VPS8: variants seen among roughly 807,000 people sequenced by gnomAD.
The protein encoded by VPS8 is VPS8 subunit of CORVET complex.
In VPS8, 129 loss-of-function variants were observed where a neutral mutation model predicts 216.4. The ratio of observed to expected loss-of-function variants is 0.60; its 90% confidence interval spans 0.52 to 0.69. VPS8 has a LOEUF of 0.69. VPS8 is among the 30% of genes least tolerant of loss of function. The pLI is 0.00. For synonymous variants in VPS8, 571 were observed against 565.4 expected (o/e 1.01, Z -0.14); for missense variants, 1,531 against 1,683.5 (o/e 0.91, Z 1.59).
chr3:184,816,708 G>T lies in VPS8; in HGVS notation c.-89+4483G>T, dbSNP rs1457269383. 3.3e-5 allele frequency among the ~76,000 whole-genome samples: 5 copies of T among 152,190 alleles called. No individual in the cohort carries two copies. In the East Asian group the frequency reaches 9.6e-4, roughly 29 times the overall value. On this transcript the variant is annotated intron_variant, in intron 1 of 47. Coordinates refer to ENST00000625842, the MANE Select transcript of VPS8 (RefSeq NM_001009921.3). The stretch of plus-strand genomic sequence containing the variant: ...TGACAAGCGGTGGGTCTCTCAGGAA[G>T]CCCCATACGGCCAGATCTTGTTTTT...
chr3:185,021,871 G>A (rs910565032), intron 45 of VPS8, among the ~76,000 whole-genome samples: 1 of 152,188 alleles, frequency 6.6e-6, no homozygotes. Context: ...AGGCAGAGTT[G>A]AAAGAGGCTT....
intron 34 of VPS8, among the ~76,000 whole-genome samples, chr3:184,932,635 C>T (rs1406097998): frequency 6.6e-6 from 1 of 152,096 alleles, no homozygotes; most frequent in Non-Finnish European, 1.5e-5. Context: ...GTGACAGTTT[C>T]TTACCTTTTT....
At chr3:185,044,427 A>G (rs1712382954) in intron 46 of VPS8, among the ~76,000 whole-genome samples, 1 of 152,180 alleles carries the variant, frequency 6.6e-6, no homozygotes, top group African/African-American at 2.4e-5. Flanking sequence ...GAGATGATCC[A>G]TGCTAAGTAC....
chr3:184,985,081 A>G (rs1442138839), intron 42 of VPS8, among the ~76,000 whole-genome samples: 2 of 152,082 alleles, frequency 1.3e-5, no homozygotes, highest in African/African-American at 4.8e-5. Context: ...CCTCATTTGC[A>G]TGTTTGTGAT....
intron 39 of VPS8, among the ~76,000 whole-genome samples, chr3:184,968,758 C>G (rs916612725): frequency 2.0e-5 from 3 of 152,150 alleles, no homozygotes; most frequent in Non-Finnish European, 4.4e-5. Flanking sequence ...AACAGCCCTC[C>G]TGAAGATCAG....
At chr3:184,910,172 G>A (rs1490616477) in intron 25 of VPS8, among the ~76,000 whole-genome samples, 3 of 122,608 alleles carry the variant, frequency 2.4e-5, no homozygotes, top group African/African-American at 9.8e-5. Context: ...TCATTCTTTC[G>A]CCCAGGCCGT....
intron 8 of VPS8, among the ~76,000 whole-genome samples, chr3:184,845,507 C>G (rs1171488694): frequency 6.6e-6 from 1 of 152,134 alleles, no homozygotes; most frequent in Non-Finnish European, 1.5e-5. Flanking sequence ...AGCCTGTAAT[C>G]CCAGCACTTT....
intron 9 of VPS8, chr3:184,849,404 C>G: frequency 2.1e-6 from 1 of 466,144 alleles, no homozygotes; most frequent in Non-Finnish European, 3.6e-6. Context: ...TTTTTATATC[C>G]TAGTTCATGT....
At chr3:184,922,521 A>G (rs931764572) in intron 29 of VPS8, 1 of 423,740 alleles carries the variant, frequency 2.4e-6, no homozygotes, top group Non-Finnish European at 4.7e-6. Context: ...TTAAAACTAT[A>G]CTAAGTTGGA....
chr3:185,005,437 G>A (rs975943496), intron 45 of VPS8, among the ~76,000 whole-genome samples: 5 of 152,062 alleles, frequency 3.3e-5, no homozygotes, highest in Admixed American at 6.6e-5. Context: ...GATGGGAATT[G>A]CATTGAATCT....
intron 38 of VPS8, among the ~76,000 whole-genome samples, chr3:184,965,176 G>C (rs533605531): frequency 2.9e-4 from 44 of 152,152 alleles, no homozygotes; most frequent in Non-Finnish European, 5.6e-4. Context: ...TAATATTGTC[G>C]TGTGGCTAGG....
intron 45 of VPS8, among the ~76,000 whole-genome samples, chr3:185,012,119 AG>A (rs1755094499): frequency 6.6e-6 from 1 of 151,636 alleles, no homozygotes; most frequent in Admixed American, 6.6e-5. Flanking sequence ...TGAAGCACAG[AG>A]GCAAAAATAA....
Position 184,924,925 on chromosome 3 carries a change from C to A in VPS8, c.2518C>A (p.Arg840=). Residue 840 remains arginine, a synonymous_variant, in exon 30 of 48, where the codon CGG becomes AGG. Coordinates refer to ENST00000625842, the MANE Select transcript of VPS8 (RefSeq NM_001009921.3). ...QVGCLFTFLA[R]QLAKPDNTLF... ...AGGATGTCTCTTTACCTTCCTTGCT[C>A]GGCAGCTTGCAAAGCCTGACAACAC... 1 of 1,613,542 alleles carries A rather than the reference C, an allele frequency of 6.2e-7. No individual in the cohort carries two copies. Among genetic ancestry groups the A allele is most frequent in the Admixed American group, 1.7e-5 (1 of 59,978 alleles).
At chr3:184,912,417 G>A (rs1002349792) in intron 25 of VPS8, among the ~76,000 whole-genome samples, 1 of 152,116 alleles carries the variant, frequency 6.6e-6, no homozygotes, top group South Asian at 2.1e-4. Context: ...GGGAGACATG[G>A]CCTTCTATCT....
chr3:184,878,362 G>A (rs1729657812), intron 21 of VPS8, among the ~76,000 whole-genome samples: 2 of 152,186 alleles, frequency 1.3e-5, no homozygotes, highest in East Asian at 3.9e-4. Context: ...ACCCGCCTCG[G>A]CCTCCTAAAG....
chr3:184,955,715 A>G (rs569496269), intron 36 of VPS8, among the ~76,000 whole-genome samples: 1 of 152,280 alleles, frequency 6.6e-6, no homozygotes, highest in African/African-American at 2.4e-5. Context: ...GTTTGAAGGC[A>G]GTCCAATGTA....
Position 184,824,724 on chromosome 3 carries a change from C to T in VPS8, c.92C>T (p.Ala31Val). ...EELNKSFNLE[A>V]SLSKFSYIDM... Reference sequence around the variant, plus strand: ...CTGAATAAGTCTTTCAATCTAGAAGCTTCACTTTCAAAATTCTCTTACATA... The same window carrying T: ...CTGAATAAGTCTTTCAATCTAGAAGTTTCACTTTCAAAATTCTCTTACATA... Residue 31 changes from alanine to valine, a missense_variant, in exon 2 of 48, where the codon GCT (alanine) becomes GTT (valine). By Grantham distance (64) the Ala-to-Val change is moderately conservative (BLOSUM62 0). Coordinates refer to ENST00000625842, the MANE Select transcript of VPS8 (RefSeq NM_001009921.3). 6.2e-7 allele frequency: 1 copy of T among 1,613,704 alleles called. No homozygotes were observed. The highest frequency in any genetic ancestry group is 8.5e-7 in the Non-Finnish European group (1 of 1,179,776).
chr3:184,955,579 C>T (rs1745447515), intron 36 of VPS8, among the ~76,000 whole-genome samples: 2 of 151,952 alleles, frequency 1.3e-5, no homozygotes, highest in Non-Finnish European at 1.5e-5. Context: ...GTAGTGGTTC[C>T]CCGGGCCCAG....
chr3:185,023,534 C>T (rs944580987), intron 45 of VPS8, among the ~76,000 whole-genome samples: 1 of 152,090 alleles, frequency 6.6e-6, no homozygotes, highest in Non-Finnish European at 1.5e-5. Context: ...TGGCGCATAC[C>T]TGTAATCCCA....
Sources: allele counts gnomAD v4.1 joint callset (sites outside exome capture counted in the v4.1 genomes callset), GRCh38; gene constraint gnomAD v4.1.1; transcripts MANE v1.5; gene names NCBI Gene and HGNC (gene_info 2026-07-23, HGNC 2026-07-21).